RIC1: variants seen among roughly 807,000 people sequenced by gnomAD.
The protein encoded by RIC1 is RIC1 partner of RAB6A GEF complex, also known as guanine nucleotide exchange factor subunit RIC1.
In RIC1, 88 loss-of-function variants were observed where a neutral mutation model predicts 169.0. That is an observed-to-expected ratio of 0.52 (90% CI 0.44 to 0.62). The LOEUF is 0.62. Ranked by LOEUF, RIC1 falls within the 20% of genes least tolerant of loss-of-function variation. RIC1 has a pLI of 0.00. For missense variants in RIC1, 1,877 were observed against 1,725.5 expected, an observed-to-expected ratio of 1.09 and a Z score of -1.56; for synonymous variants, 790 against 601.5, an observed-to-expected ratio of 1.31 and a Z score of -4.59.
intron 4 of RIC1, among the ~76,000 whole-genome samples, chr9:5,715,236 TGA>T (rs1455027221): frequency 6.6e-6 from 1 of 152,240 alleles, no homozygotes; most frequent in Non-Finnish European, 1.5e-5. Context: ...TAAGGAATTC[TGA>T]GTGTCTGTAG....
intron 1 of RIC1, among the ~76,000 whole-genome samples, chr9:5,643,103 C>G (rs1310343469): frequency 6.6e-6 from 1 of 151,926 alleles, no homozygotes; most frequent in East Asian, 1.9e-4. Context: ...AGTTCAAGAC[C>G]AGTCTGGACA....
chr9:5,668,662 A>G (rs1379434428), intron 2 of RIC1, among the ~76,000 whole-genome samples: 1 of 152,144 alleles, frequency 6.6e-6, no homozygotes, highest in Non-Finnish European at 1.5e-5. Flanking sequence ...CAAATTTGCT[A>G]TTGAATTTCT....
chr9:5,671,329 G>A (rs1159965716), intron 2 of RIC1, among the ~76,000 whole-genome samples: 3 of 150,594 alleles, frequency 2.0e-5, no homozygotes, highest in Non-Finnish European at 3.0e-5. Context: ...GAGTGGAGTG[G>A]CGCAGCGCAA....
intron 1 of RIC1, among the ~76,000 whole-genome samples, chr9:5,641,372 T>A (rs1161254689): frequency 1.3e-5 from 2 of 152,130 alleles, no homozygotes; most frequent in Non-Finnish European, 2.9e-5. Flanking sequence ...ATTACAGGCA[T>A]GAGCCACCGC....
chr9:5,712,836 T>G (rs1176817386), intron 3 of RIC1: 1 of 152,198 alleles, frequency 6.6e-6, no homozygotes, highest in African/African-American at 2.4e-5. Context: ...AACACGAACC[T>G]GTATGGTTAA....
At chr9:5,722,855 A>G (rs540808245) in intron 6 of RIC1, among the ~76,000 whole-genome samples, 4 of 152,210 alleles carry the variant, frequency 2.6e-5, no homozygotes, top group Admixed American at 6.5e-5. Context: ...ATGGTTTCCA[A>G]CTTCACCCAT....
chr9:5,658,015 G>A lies in RIC1; in HGVS notation c.252+1325G>A, dbSNP rs573478246. 4.6e-5 allele frequency among the ~76,000 whole-genome samples: 7 copies of A among 152,166 alleles called. No homozygotes were observed. In the East Asian group the frequency reaches 1.4e-3, roughly 29 times the overall value. The stretch of plus-strand genomic sequence containing the variant: ...TGAAGTTCTTACAGCAAGTGTATGT[G>A]GTGCTCTCATTGCTTTGCTCTTCTG... On this transcript the variant is annotated intron_variant, in intron 2 of 25. Transcript: ENST00000414202.
At chr9:5,727,825 C>G (rs1450371671) in intron 6 of RIC1, among the ~76,000 whole-genome samples, 3 of 152,210 alleles carry the variant, frequency 2.0e-5, no homozygotes, top group African/African-American at 7.2e-5. Flanking sequence ...CCCTGTTTGC[C>G]TGGGTATCAC....
At chr9:5,703,122 C>T (rs1487884899) in intron 3 of RIC1, among the ~76,000 whole-genome samples, 2 of 152,180 alleles carry the variant, frequency 1.3e-5, no homozygotes, top group South Asian at 4.1e-4. Context: ...CCAGCATTAA[C>T]TCAAAAGTCC....
intron 4 of RIC1, among the ~76,000 whole-genome samples, chr9:5,715,150 G>C (rs1198623940): frequency 6.6e-6 from 1 of 152,118 alleles, no homozygotes; most frequent in Non-Finnish European, 1.5e-5. Context: ...CATCGCCTTG[G>C]TCACAAGGTT....
At chr9:5,740,919 C>T (rs1369857247) in intron 8 of RIC1, among the ~76,000 whole-genome samples, 2 of 152,030 alleles carry the variant, frequency 1.3e-5, no homozygotes, top group East Asian at 3.9e-4. Flanking sequence ...ACATTTATAC[C>T]AGTATTTTTG....
At chr9:5,662,004 C>T (rs192573911) in intron 2 of RIC1, among the ~76,000 whole-genome samples, 231 of 152,214 alleles carry the variant, frequency 1.5e-3, no homozygotes, top group Middle Eastern at 6.8e-3. Context: ...AAGTATGTTC[C>T]TTCAATATCT....
At chr9:5,701,177 A>G (rs1013621527) in intron 3 of RIC1, among the ~76,000 whole-genome samples, 1 of 152,218 alleles carries the variant, frequency 6.6e-6, no homozygotes, top group African/African-American at 2.4e-5. Context: ...TTTGAGACCT[A>G]TAGAAAAGCT....
intron 6 of RIC1, among the ~76,000 whole-genome samples, chr9:5,724,110 C>G (rs973351895): frequency 6.6e-6 from 1 of 152,134 alleles, no homozygotes; most frequent in East Asian, 1.9e-4. Flanking sequence ...TCATTGGTAA[C>G]TTGATGGGGA....
In RIC1 at chr9:5,762,804, G is replaced by GT. The variant is rs929319914; in HGVS notation, c.2112+145dup. 7.5e-6 allele frequency: 8 copies of GT among 1,063,374 alleles called. No individual in the cohort carries two copies. The African/African-American group carries it at 1.3e-4, about 17-fold the overall frequency. 65.9% of individuals were successfully genotyped at this position (1,063,374 alleles called of 1,614,324 possible). ...TAAAATCAGTCTTAAGCCTCTGGGT[G>GT]TAAGACTGACTGACTGGAGGATAAG... On this transcript the variant is annotated intron_variant, in intron 18 of 25. Coordinates refer to ENST00000414202, the MANE Select transcript of RIC1 (RefSeq NM_020829.4).
At chr9:5,727,289 CTTCAT>C (rs763508472) in intron 6 of RIC1, among the ~76,000 whole-genome samples, 3 of 152,296 alleles carry the variant, frequency 2.0e-5, no homozygotes, top group East Asian at 1.9e-4. Flanking sequence ...TCTCTTCTCA[CTTCAT>C]TTCATTCATT....
At chr9:5,722,412 G>T (rs902836361) in intron 6 of RIC1, among the ~76,000 whole-genome samples, 2 of 149,352 alleles carry the variant, frequency 1.3e-5, no homozygotes, top group Admixed American at 6.7e-5. Context: ...GGGTCTATAG[G>T]TATGTATCAC....
intron 2 of RIC1, among the ~76,000 whole-genome samples, chr9:5,671,102 G>T (rs1461660997): frequency 6.6e-6 from 1 of 151,992 alleles, no homozygotes; most frequent in Non-Finnish European, 1.5e-5. Context: ...GTGACCTCTG[G>T]AATAATGACT....
chr9:5,719,098 A>G (rs1439360500), intron 4 of RIC1: 1 of 152,184 alleles, frequency 6.6e-6, no homozygotes, highest in Non-Finnish European at 1.5e-5. Context: ...TTCCTTATAT[A>G]GTATTTGATA....
Sources: gnomAD v4.1 joint callset for allele counts (sites outside exome capture counted in the v4.1 genomes callset) on GRCh38, gnomAD v4.1.1 for gene constraint, MANE v1.5 for transcripts, NCBI Gene and HGNC (gene_info 2026-07-23, HGNC 2026-07-21) for gene names.